Variants in WDR27 observed in about 807,000 individuals in gnomAD.
WDR27 encodes WD repeat domain 27, also known as WD repeat-containing protein 27.
WDR27 carries 100 observed loss-of-function variants against 114.4 expected under a neutral mutation model. That is an observed-to-expected ratio of 0.87 (90% CI 0.74 to 1.03). The LOEUF is 1.03. Ranked by LOEUF, WDR27 falls within the 50% of genes least tolerant of loss-of-function variation. The pLI, the probability that WDR27 is intolerant of heterozygous loss-of-function variation, is 0.00. For missense variants in WDR27, 1,129 were observed against 1,092.9 expected, an observed-to-expected ratio of 1.03 and a Z score of -0.47; for synonymous variants, 449 against 423.1, an observed-to-expected ratio of 1.06 and a Z score of -0.75.
chr6:169,618,802 G>T (rs1447849668), intron 21 of WDR27, among the ~76,000 whole-genome samples: 1 of 152,136 alleles, frequency 6.6e-6, no homozygotes, highest in East Asian at 1.9e-4. Flanking sequence ...GACAGTTTGT[G>T]AGTAGCAGCC....
intron 4 of WDR27, 44 bp downstream of exon 4, chr6:169,670,525 T>C (rs1033878571): frequency 1.9e-6 from 3 of 1,609,584 alleles, no homozygotes; most frequent in Non-Finnish European, 1.7e-6. Flanking sequence ...GGAGGCCCCA[T>C]CAGCTAAACC....
intron 1 of WDR27, among the ~76,000 whole-genome samples, chr6:169,690,851 A>G (rs892447666): frequency 8.0e-4 from 122 of 152,260 alleles, no homozygotes; most frequent in African/African-American, 2.7e-3. Flanking sequence ...TCCTGTGTGC[A>G]GGGGGGAGCA....
At chr6:169,467,839 G>A (rs1305583320) in intron 25 of WDR27, among the ~76,000 whole-genome samples, 1 of 152,192 alleles carries the variant, frequency 6.6e-6, no homozygotes, top group African/African-American at 2.4e-5. Flanking sequence ...ATACGTTTTT[G>A]TTTTCTGTCA....
chr6:169,504,794 T>G (rs1343045830), intron 25 of WDR27, among the ~76,000 whole-genome samples: 1 of 152,138 alleles, frequency 6.6e-6, no homozygotes, highest in Non-Finnish European at 1.5e-5. Flanking sequence ...TTTTTAGGTC[T>G]TGCTATGTTG....
chr6:169,666,890 A>G, intron 6 of WDR27: 1 of 985,434 alleles, frequency 1.0e-6, no homozygotes, highest in Non-Finnish European at 1.2e-6. Context: ...AACGTGCTTT[A>G]CTCCTCCAAA....
chr6:169,502,352 C>T (rs984700733), intron 25 of WDR27, among the ~76,000 whole-genome samples: 1 of 152,234 alleles, frequency 6.6e-6, no homozygotes, highest in Admixed American at 6.5e-5. Context: ...GTTCCGTACA[C>T]GGACGGTCCC....
Position 169,638,649 on chromosome 6 carries a change from C to A in WDR27, c.1759G>T (p.Ala587Ser). The A allele has an allele frequency of 6.2e-7, 1 of 1,603,520 alleles. No homozygotes were observed. The highest frequency in any genetic ancestry group is 8.5e-7 in the Non-Finnish European group (1 of 1,175,054). The change falls in exon 18 of 26, where the codon GCA (alanine) becomes TCA (serine). Residue 587 changes from alanine (A) to serine (S), a missense_variant. By Grantham distance (99) the Ala-to-Ser change is moderately conservative. Coordinates refer to ENST00000448612, the MANE Select transcript of WDR27 (RefSeq NM_182552.5). ...TPAVFSGHDG[A>S]VNAVCWSQDR... ...TGGCTCCAGCACACGGCATTCACTGCCCCGTCGTGACCTAACAGGAATGAC... is the reference window on the plus strand; with the variant it reads ...TGGCTCCAGCACACGGCATTCACTGACCCGTCGTGACCTAACAGGAATGAC...
chr6:169,595,847 T>A (rs956066400), intron 23 of WDR27, among the ~76,000 whole-genome samples: 1 of 151,772 alleles, frequency 6.6e-6, no homozygotes. Flanking sequence ...TATTCATAAC[T>A]GTGTGTCTGG....
chr6:169,692,179 A>G (rs1000969402), intron 1 of WDR27, among the ~76,000 whole-genome samples: 1 of 152,240 alleles, frequency 6.6e-6, no homozygotes, highest in African/African-American at 2.4e-5. Context: ...TAAAAGTAGA[A>G]GCAGCAGTGA....
chr6:169,549,821 G>A (rs1233472682), intron 25 of WDR27, among the ~76,000 whole-genome samples: 1 of 152,176 alleles, frequency 6.6e-6, no homozygotes, highest in Admixed American at 6.5e-5. Flanking sequence ...CCTGGAAAAG[G>A]CAACACTATG....
At chr6:169,614,777 C>G (rs1323792919) in intron 21 of WDR27, among the ~76,000 whole-genome samples, 1 of 151,888 alleles carries the variant, frequency 6.6e-6, no homozygotes, top group African/African-American at 2.4e-5. Flanking sequence ...AATAATTGAG[C>G]AGGTATTCAA....
At chr6:169,566,389 G>C (rs1800497895) in intron 25 of WDR27, among the ~76,000 whole-genome samples, 1 of 152,194 alleles carries the variant, frequency 6.6e-6, no homozygotes, top group Non-Finnish European at 1.5e-5. Flanking sequence ...CCCACAGAGG[G>C]GCCGGCCCTC....
chr6:169,432,155 G>C, the WDR27 span, among the ~76,000 whole-genome samples: 1 of 152,178 alleles, frequency 6.6e-6, no homozygotes, highest in African/African-American at 2.4e-5. Context: ...AAAAGCAAAA[G>C]AGAAAATTGC....
intron 6 of WDR27, among the ~76,000 whole-genome samples, chr6:169,665,840 C>T (rs1459170119): frequency 2.6e-5 from 4 of 152,254 alleles, no homozygotes; most frequent in Non-Finnish European, 5.9e-5. Flanking sequence ...CATCCCACCT[C>T]CCGACAGAAG....
intron 25 of WDR27, among the ~76,000 whole-genome samples, chr6:169,556,868 C>T (rs931678918): frequency 1.3e-5 from 2 of 152,164 alleles, no homozygotes; most frequent in Non-Finnish European, 2.9e-5. Context: ...GAAAATACTA[C>T]TCCGCAACCA....
At chr6:169,651,178 C>CGGGGGGGGGGGGGGGGGGGGGGGGGGG (rs200606067) in intron 14 of WDR27, among the ~76,000 whole-genome samples, 1 of 3,400 alleles carries the variant, frequency 2.9e-4, no homozygotes, top group Non-Finnish European at 4.9e-4. Context: ...CACAGCAGTG[C>CGGGGGGGGGGGGGGGGGGGGGGGGGGG]GGGGCGGGGG....
At chr6:169,650,179 T>C (rs1408750815) in intron 14 of WDR27, among the ~76,000 whole-genome samples, 2 of 135,134 alleles carry the variant, frequency 1.5e-5, no homozygotes, top group African/African-American at 5.7e-5. Flanking sequence ...CCTCTACTTA[T>C]CCATCTCTCA....
intron 5 of WDR27, 33 bp from the exon 6 acceptor site, chr6:169,667,220 TAAC>T: frequency 6.8e-7 from 1 of 1,467,022 alleles, no homozygotes; most frequent in Admixed American, 2.8e-5. Flanking sequence ...TTAGAAGAGG[TAAC>T]AACGTTGCCA....
At chr6:169,471,917 T>C (rs957235922) in intron 25 of WDR27, among the ~76,000 whole-genome samples, 2 of 152,202 alleles carry the variant, frequency 1.3e-5, no homozygotes, top group African/African-American at 4.8e-5. Context: ...TGCTGCTTCC[T>C]CACATGGCGG....
Sources: allele counts gnomAD v4.1 joint callset (sites outside exome capture counted in the v4.1 genomes callset), GRCh38; gene constraint gnomAD v4.1.1; transcripts MANE v1.5; gene names NCBI Gene and HGNC (gene_info 2026-07-23, HGNC 2026-07-21).